Variants in TSPAN33 observed in about 807,000 individuals in gnomAD.
TSPAN33 encodes tetraspanin 33.
In TSPAN33, 27 loss-of-function variants were observed where a neutral mutation model predicts 34.8. The ratio of observed to expected loss-of-function variants is 0.78; its 90% CI spans 0.57 to 1.07. The LOEUF (loss-of-function observed/expected upper bound fraction) is 1.07. Ranked by LOEUF, TSPAN33 falls within the 50% of genes least tolerant of loss-of-function variation. The probability of loss-of-function intolerance (pLI) is 0.00; values close to 1 mark genes in which losing one functional copy is unlikely to be tolerated. For synonymous variants in TSPAN33, 119 were observed against 124.2 expected (o/e 0.96, Z 0.28); for missense variants, 272 against 324.9 (o/e 0.84, Z 1.25).
intron 1 of TSPAN33, 46 bp downstream of exon 1, chr7:129,145,128 G>A (rs761787732): frequency 1.1e-5 from 7 of 634,160 alleles, no homozygotes; most frequent in Middle Eastern, 5.7e-4. Context: ...GTCCCCCCGC[G>A]GGGTGGAAGG....
rs542853800 is a variant in TSPAN33, at chr7:129,167,967, A to T, written c.*93A>T. 2,174 of 1,518,920 alleles carry T rather than the reference A, an allele frequency of 1.4e-3. 5 individuals carry two copies. The highest frequency in any genetic ancestry group is 1.8e-3 in the Non-Finnish European group (2,042 of 1,135,086). The allele number at this position is 1,518,920 out of a possible 1,614,324, so 94.1% of individuals were successfully genotyped here. ...AAAGCAGCACCAAATGGAGATTTGGATTCCAGCCCCCCAGTGACAGCCCAG... is the reference window on the plus strand; with the variant it reads ...AAAGCAGCACCAAATGGAGATTTGGTTTCCAGCCCCCCAGTGACAGCCCAG... On this transcript the variant is annotated 3_prime_UTR_variant, in exon 8 of 8. Coordinates refer to ENST00000486685, the MANE Select transcript of TSPAN33 (RefSeq NM_178562.5). The surrounding 1 kb of genome is among the most constrained non-coding windows in gnomAD (Gnocchi z 4.6).
intron 4 of TSPAN33, among the ~76,000 whole-genome samples, chr7:129,164,066 G>C (rs1793098730): frequency 6.6e-6 from 1 of 152,118 alleles, no homozygotes; most frequent in Non-Finnish European, 1.5e-5. Flanking sequence ...GTATTAAATA[G>C]CTCTGTTTTG....
intron 3 of TSPAN33, 89 bp from the exon 4 acceptor site, chr7:129,162,744 T>C: frequency 6.7e-7 from 1 of 1,491,872 alleles, no homozygotes; most frequent in African/African-American, 1.4e-5. Flanking sequence ...CTGGGAGAAT[T>C]GCCTGGCAGC....
intron 1 of TSPAN33, among the ~76,000 whole-genome samples, chr7:129,147,795 AT>A (rs747665876): frequency 2.0e-5 from 3 of 152,142 alleles, no homozygotes; most frequent in Non-Finnish European, 2.9e-5. Context: ...GCTGGTGGTG[AT>A]GGTGGCTACG....
In TSPAN33 at chr7:129,144,956, C is replaced by G; in HGVS notation, c.-25C>G. 1.7e-6 allele frequency: 1 copy of G among 585,922 alleles called. No homozygotes were observed. The highest frequency in any genetic ancestry group is 3.1e-6 in the Non-Finnish European group (1 of 325,604). The allele number at this position is 585,922 out of a possible 1,614,324, so 36.3% of individuals were successfully genotyped here. On this transcript the variant is annotated 5_prime_UTR_variant, in exon 1 of 8. Transcript: ENST00000486685. ...CGGCAGCCGCTGGGAAATAGGCCCCCGGGGGCGGTGGCGGCGGCGGGGCCA... is the reference window on the plus strand; with the variant it reads ...CGGCAGCCGCTGGGAAATAGGCCCCGGGGGGCGGTGGCGGCGGCGGGGCCA...
In TSPAN33 at chr7:129,162,827, C is replaced by T; in HGVS notation, c.289-6C>T. 1 of 1,613,660 alleles carries T rather than the reference C, an allele frequency of 6.2e-7. No homozygotes were observed. The stretch of plus-strand genomic sequence containing the variant: ...CTAGACGCCTCTTCTTCCTGCTGCT[C>T]CACAGTTCTCCCTCTGCCTCACCGC... On this transcript the variant is annotated splice_polypyrimidine_tract_variant and splice_region_variant and intron_variant, in intron 3 of 7. Coordinates refer to ENST00000486685, the MANE Select transcript of TSPAN33 (RefSeq NM_178562.5).
intron 1 of TSPAN33, among the ~76,000 whole-genome samples, chr7:129,154,921 G>A (rs1386091178): frequency 6.6e-6 from 1 of 152,048 alleles, no homozygotes; most frequent in African/African-American, 2.4e-5. Flanking sequence ...TTTATCCAAA[G>A]AAAAAGAAAT....
At chr7:129,163,588 T>G (rs566201548) in intron 4 of TSPAN33, among the ~76,000 whole-genome samples, 3 of 152,264 alleles carry the variant, frequency 2.0e-5, no homozygotes, top group Middle Eastern at 3.4e-3. Context: ...AAAAGGCAAA[T>G]GATTGCCAAG....
chr7:129,149,060 G>A (rs1810557138), intron 1 of TSPAN33, among the ~76,000 whole-genome samples: 1 of 150,166 alleles, frequency 6.7e-6, no homozygotes, highest in Admixed American at 6.6e-5. Flanking sequence ...CTCCACCCCC[G>A]CCGTCTTCCC....
At chr7:129,158,023 G>A (rs760936150) in intron 1 of TSPAN33, among the ~76,000 whole-genome samples, 5 of 152,238 alleles carry the variant, frequency 3.3e-5, no homozygotes, top group African/African-American at 4.8e-5. Flanking sequence ...TTCGGGAAGT[G>A]CTAGGAAGAG....
intron 6 of TSPAN33, 85 bp downstream of exon 6, chr7:129,166,991 T>C: frequency 6.8e-7 from 1 of 1,474,118 alleles, no homozygotes; most frequent in South Asian, 1.3e-5. Context: ...GGGATCCCCA[T>C]CCCCTAGCTT....
chr7:129,161,783 T>C (rs60321592), intron 2 of TSPAN33, 47 bp downstream of exon 2: 1 of 1,611,452 alleles, frequency 6.2e-7, no homozygotes, highest in Non-Finnish European at 8.5e-7. Context: ...GCCATGCCCC[T>C]TTCCCCTCTG....
In TSPAN33 at chr7:129,151,130, ATTTG is replaced by A. The variant is rs993519191; in HGVS notation, c.102+6060_102+6063del. ...CTTTTATTTACGTATTTATTTGTTT[ATTTG>A]TTTGTTTGTTTAGACATGGTGTTGC... On this transcript the variant is annotated intron_variant, in intron 1 of 7. Coordinates refer to ENST00000486685, the MANE Select transcript of TSPAN33 (RefSeq NM_178562.5). 1.6e-3 allele frequency among the ~76,000 whole-genome samples: 242 copies of A among 151,830 alleles called. 2 individuals are homozygous for A. Among genetic ancestry groups the A allele is most frequent in the African/African-American group, 5.7e-3 (236 of 41,390 alleles).
intron 1 of TSPAN33, among the ~76,000 whole-genome samples, chr7:129,146,969 C>G (rs2150619397): frequency 1.3e-5 from 2 of 151,856 alleles, no homozygotes; most frequent in South Asian, 4.2e-4. Flanking sequence ...TCCCTACCCC[C>G]TACCTCCACC....
intron 1 of TSPAN33, among the ~76,000 whole-genome samples, chr7:129,158,868 A>G (rs1793003331): frequency 6.6e-6 from 1 of 151,766 alleles, no homozygotes; most frequent in Non-Finnish European, 1.5e-5. Flanking sequence ...CTTCTGCCTC[A>G]GCCTCCTAAG....
intron 4 of TSPAN33, among the ~76,000 whole-genome samples, chr7:129,163,656 G>A (rs1294811126): frequency 6.6e-6 from 1 of 152,184 alleles, no homozygotes; most frequent in African/African-American, 2.4e-5. Flanking sequence ...CAGGAAGGAA[G>A]AGACTATGGT....
At chr7:129,166,977 A>G in intron 6 of TSPAN33, 71 bp downstream of exon 6, 2 of 1,550,824 alleles carry the variant, frequency 1.3e-6, no homozygotes, top group Non-Finnish European at 1.8e-6. Context: ...GGCAGCTGCT[A>G]CTGGGGATCC....
intron 3 of TSPAN33, 35 bp from the exon 4 acceptor site, chr7:129,162,798 G>A (rs377572639): frequency 6.2e-7 from 1 of 1,609,380 alleles, no homozygotes; most frequent in East Asian, 2.2e-5. Flanking sequence ...TGCCATGAGT[G>A]GTCCTAGACG....
Position 129,144,803 on chromosome 7 carries a change from C to T in TSPAN33, c.-178C>T, listed in dbSNP as rs1293910952. The T allele has an allele frequency of 6.7e-6, 1 of 148,314 alleles. No individual in the cohort carries two copies. The highest frequency in any genetic ancestry group is 2.4e-5 in the African/African-American group (1 of 40,838). 9.2% of individuals were successfully genotyped at this position (148,314 alleles called of 1,614,324 possible). A position where few individuals can be genotyped will look rare whatever the true frequency, so the allele number is the denominator to read the frequency against. ...GCTCCAGCAGCTCCAGGCGCGGTTC[C>T]CCGGCCCGCGCCGCTCCCGGCCCCC... On this transcript the variant is annotated 5_prime_UTR_variant, in exon 1 of 8. Transcript: ENST00000486685.
Sources: allele counts gnomAD v4.1 joint callset (sites outside exome capture counted in the v4.1 genomes callset), GRCh38; gene constraint gnomAD v4.1.1; non-coding constraint Gnocchi (gnomAD v3.1); transcripts MANE v1.5; gene names NCBI Gene and HGNC (gene_info 2026-07-23, HGNC 2026-07-21).